INPP4A: variants seen among roughly 807,000 people sequenced by gnomAD.
The protein encoded by INPP4A is inositol polyphosphate-4-phosphatase, type I, 107kD.
In INPP4A, 33 loss-of-function variants were observed where a neutral mutation model predicts 119.8. The ratio of observed to expected loss-of-function variants is 0.28; its 90% confidence interval spans 0.21 to 0.37. The LOEUF (loss-of-function observed/expected upper bound fraction) is 0.37. Among genes scored for constraint, INPP4A ranks in the 10% least tolerant of loss-of-function variants. The pLI is 1.00. For synonymous variants in INPP4A, 496 were observed against 500.7 expected, an observed-to-expected ratio of 0.99 and a Z score of 0.12; for missense variants, 956 against 1,289.9, an observed-to-expected ratio of 0.74 and a Z score of 3.97.
chr2:98,465,438 A>G (rs780092691), intron 1 of INPP4A, among the ~76,000 whole-genome samples: 9 of 152,234 alleles, frequency 5.9e-5, no homozygotes, highest in African/African-American at 9.6e-5. Context: ...GGATAATCTC[A>G]TCTCAAGATT....
At chr2:98,512,975 G>A (rs1294777878) in intron 1 of INPP4A, among the ~76,000 whole-genome samples, 1 of 152,154 alleles carries the variant, frequency 6.6e-6, no homozygotes, top group African/African-American at 2.4e-5. Flanking sequence ...TGCTAGAGAA[G>A]CATATTTGAC....
intron 24 of INPP4A, among the ~76,000 whole-genome samples, chr2:98,586,618 G>T (rs571106185): frequency 5.3e-4 from 81 of 152,316 alleles, no homozygotes; most frequent in Middle Eastern, 3.4e-3. Context: ...CACTGAGTAG[G>T]TGAGGCCCCC....
intron 24 of INPP4A, 30 bp downstream of exon 24, chr2:98,577,173 G>T: frequency 1.3e-6 from 2 of 1,548,226 alleles, no homozygotes; most frequent in Non-Finnish European, 1.7e-6. Context: ...CGCGCGCCCC[G>T]CCTGCCCCGG....
chr2:98,565,563 C>T lies in INPP4A; in HGVS notation c.2153-77C>T, dbSNP rs1029797035. On this transcript the variant is annotated intron_variant, in intron 19 of 24. Coordinates refer to ENST00000409851, the MANE Select transcript of INPP4A (RefSeq NM_001134225.2). ...CCCTCCTGTCACAGCCAGGCCTGGG[C>T]TTGGCTGCCTTCTGCTGAGACTGGG... The T allele has an allele frequency of 8.7e-6, 13 of 1,501,640 alleles. No homozygotes were observed. In the East Asian group the frequency reaches 2.4e-4, roughly 28 times the overall value. The allele number at this position is 1,501,640 out of a possible 1,614,324, so 93.0% of individuals were successfully genotyped here. A position where few individuals can be genotyped will look rare whatever the true frequency, so the allele number is the denominator to read the frequency against.
intron 1 of INPP4A, among the ~76,000 whole-genome samples, chr2:98,450,664 A>T (rs1047705946): frequency 6.6e-6 from 1 of 152,362 alleles, no homozygotes; most frequent in African/African-American, 2.4e-5. Context: ...GTAAGTGTGC[A>T]GAACGGAAGC....
chr2:98,538,313 C>G (rs1690717944), intron 8 of INPP4A, among the ~76,000 whole-genome samples: 1 of 152,180 alleles, frequency 6.6e-6, no homozygotes, highest in South Asian at 2.1e-4. Flanking sequence ...ATTTAGGACC[C>G]AGGTCATCTG....
chr2:98,481,484 C>A (rs972166411), intron 1 of INPP4A, among the ~76,000 whole-genome samples: 3 of 152,128 alleles, frequency 2.0e-5, no homozygotes, highest in Admixed American at 6.5e-5. Context: ...CTTTGGGGTG[C>A]TGGTTTCTTT....
At chr2:98,477,097 T>G (rs973486770) in intron 1 of INPP4A, among the ~76,000 whole-genome samples, 13 of 152,252 alleles carry the variant, frequency 8.5e-5, no homozygotes, top group African/African-American at 2.9e-4. Flanking sequence ...GTCATCTGAT[T>G]CTTGCAGTAA....
At chr2:98,543,702 T>G (rs953714865) in intron 10 of INPP4A, among the ~76,000 whole-genome samples, 175 bp from the exon 11 acceptor site, 1 of 152,230 alleles carries the variant, frequency 6.6e-6, no homozygotes, top group Non-Finnish European at 1.5e-5. Context: ...TGTAGCTGTC[T>G]GTCCTCTCCT....
intron 10 of INPP4A, among the ~76,000 whole-genome samples, chr2:98,540,480 C>T (rs1320729875): frequency 1.3e-5 from 2 of 152,220 alleles, no homozygotes; most frequent in Non-Finnish European, 2.9e-5. Flanking sequence ...TGGCCCAGGC[C>T]GTGCATATTA....
chr2:98,570,420 G>A lies in INPP4A; in HGVS notation c.2518+1752G>A, dbSNP rs770563222. Reference sequence around the variant, plus strand: ...AGCCAGGAGGGTGTGGGGCGCTGCCGGACACTGGATGTGTGGACAAGGAGC... The same window carrying A: ...AGCCAGGAGGGTGTGGGGCGCTGCCAGACACTGGATGTGTGGACAAGGAGC... On this transcript the variant is annotated intron_variant, in intron 22 of 24. Coordinates refer to ENST00000409851, the MANE Select transcript of INPP4A (RefSeq NM_001134225.2). The surrounding 1 kb of genome is among the most constrained non-coding windows in gnomAD (Gnocchi z 4.3). 5.3e-5 allele frequency among the ~76,000 whole-genome samples: 8 copies of A among 152,280 alleles called. No individual in the cohort carries two copies. The highest frequency in any genetic ancestry group is 2.1e-4 in the South Asian group (1 of 4,828).
intron 24 of INPP4A, among the ~76,000 whole-genome samples, chr2:98,582,567 G>A (rs1371413703): frequency 3.3e-5 from 5 of 149,506 alleles, no homozygotes; most frequent in African/African-American, 7.4e-5. Flanking sequence ...TACTCCATAC[G>A]CCAGACACAG....
intron 4 of INPP4A, 139 bp downstream of exon 4, chr2:98,520,870 C>T (rs796519939): frequency 6.4e-5 from 37 of 574,820 alleles, no homozygotes; most frequent in African/African-American, 3.7e-4. Context: ...TCTGAGAAGA[C>T]GGAGCCCTCA....
intron 1 of INPP4A, among the ~76,000 whole-genome samples, chr2:98,512,577 A>G (rs6753380): frequency 0.28 from 42,092 of 152,146 alleles, 5,893 homozygotes; most frequent in Middle Eastern, 0.35. Flanking sequence ...CATGAGAGAC[A>G]GAGAGGAAAT....
chr2:98,545,697 G>A lies in INPP4A; in HGVS notation c.950-272G>A, dbSNP rs116460198. Reference sequence around the variant, plus strand: ...GCTGAGTCACGGAAGGCGCAGCATCGTTACCATAGCTTTTTGAAGCCGGTT... The same window carrying A: ...GCTGAGTCACGGAAGGCGCAGCATCATTACCATAGCTTTTTGAAGCCGGTT... On this transcript the variant is annotated intron_variant, in intron 11 of 24. Coordinates refer to ENST00000409851, the MANE Select transcript of INPP4A (RefSeq NM_001134225.2). Among the ~76,000 whole-genome samples the A allele has an allele frequency of 4.6e-3, 706 of 152,162 alleles. 5 individuals are homozygous for A. Among genetic ancestry groups the A allele is most frequent in the African/African-American group, 0.015 (643 of 41,520 alleles).
At chr2:98,499,261 C>T (rs1682643487) in intron 1 of INPP4A, among the ~76,000 whole-genome samples, 1 of 152,210 alleles carries the variant, frequency 6.6e-6, no homozygotes, top group Non-Finnish European at 1.5e-5. Flanking sequence ...AACAGAATCG[C>T]ATGTCAGCAG....
chr2:98,587,680 CAAG>C lies in INPP4A; in HGVS notation c.*77_*79del. ...CCTCTAGTGTCATATATGAATTCTT[CAAG>C]AAGACCTGAAGGATTGGTTTTTATT... On this transcript the variant is annotated 3_prime_UTR_variant, in exon 25 of 25. Coordinates refer to ENST00000409851, the MANE Select transcript of INPP4A (RefSeq NM_001134225.2). 1.7e-6 allele frequency: 2 copies of C among 1,160,022 alleles called. No homozygotes were observed. Among genetic ancestry groups the C allele is most frequent in the Non-Finnish European group, 2.4e-6 (2 of 828,548 alleles). The allele number at this position is 1,160,022 out of a possible 1,614,324, so 71.9% of individuals were successfully genotyped here.
At chr2:98,576,301 T>G (rs1221971983) in intron 23 of INPP4A, among the ~76,000 whole-genome samples, 1 of 152,116 alleles carries the variant, frequency 6.6e-6, no homozygotes, top group Non-Finnish European at 1.5e-5. Flanking sequence ...GGAGGTGCAC[T>G]CAGGTGGCCT....
chr2:98,459,516 G>A (rs1043095479), intron 1 of INPP4A, among the ~76,000 whole-genome samples: 1 of 152,178 alleles, frequency 6.6e-6, no homozygotes, highest in East Asian at 1.9e-4. Flanking sequence ...TTCCTTGAGG[G>A]TCTGGAGAAG....
Sources: gnomAD v4.1 joint callset for allele counts (sites outside exome capture counted in the v4.1 genomes callset) on GRCh38, gnomAD v4.1.1 for gene constraint, Gnocchi (gnomAD v3.1) non-coding constraint, MANE v1.5 for transcripts, NCBI Gene and HGNC (gene_info 2026-07-23, HGNC 2026-07-21) for gene names.